The following FBXL18 variants were observed in gnomAD, a reference collection of about 807,000 sequenced individuals.
FBXL18 encodes F-box/LRR-repeat protein 18.
In FBXL18, 36 loss-of-function variants were observed where a neutral mutation model predicts 46.0. The observed-to-expected ratio is 0.78, with a 90% CI of 0.60 to 1.03. The LOEUF is 1.03. Among genes scored for constraint, FBXL18 ranks in the 50% least tolerant of loss-of-function variants. FBXL18 has a pLI of 0.00. For synonymous variants in FBXL18, 557 were observed against 465.3 expected (o/e 1.20, Z -2.54); for missense variants, 977 against 1,004.1 (o/e 0.97, Z 0.36).
intron 4 of FBXL18, among the ~76,000 whole-genome samples, chr7:5,462,989 TATATATA>T (rs1222804567): frequency 0.011 from 503 of 46,842 alleles, 21 homozygotes; most frequent in African/African-American, 0.016. Context: ...TATATATATA[TATATATA>T]ATATATATAC....
At chr7:5,469,513 G>A (rs543458154) in intron 4 of FBXL18, among the ~76,000 whole-genome samples, 11 of 152,096 alleles carry the variant, frequency 7.2e-5, no homozygotes, top group Admixed American at 6.6e-4. Context: ...ACTTGTGCAC[G>A]TGAGTGTGAA....
At chr7:5,459,532 A>C (rs1783214837) in intron 4 of FBXL18, among the ~76,000 whole-genome samples, 1 of 151,956 alleles carries the variant, frequency 6.6e-6, no homozygotes, top group African/African-American at 2.4e-5. Context: ...CGAGGTCAGG[A>C]GATCAAGACC....
intron 1 of FBXL18, among the ~76,000 whole-genome samples, chr7:5,510,507 C>A (rs2966434): frequency 0.33 from 50,294 of 151,304 alleles, 8,749 homozygotes; most frequent in Admixed American, 0.39. Flanking sequence ...CACGGTGAAA[C>A]CCCGTTTCCA....
At chr7:5,458,092 C>A (rs1369858221) in intron 4 of FBXL18, among the ~76,000 whole-genome samples, 1 of 152,034 alleles carries the variant, frequency 6.6e-6, no homozygotes, top group Non-Finnish European at 1.5e-5. Context: ...AAAAACAACC[C>A]CAAAACCTTA....
chr7:5,468,411 C>CAGGGCCTAAGTTCACCTCTAAT (rs1783378955), intron 4 of FBXL18, among the ~76,000 whole-genome samples: 1 of 152,168 alleles, frequency 6.6e-6, no homozygotes, highest in Admixed American at 6.6e-5. Context: ...GCCACCACGC[C>CAGGGCCTAAGTTCACCTCTAAT]CAGCCACCTC....
Position 5,481,612 on chromosome 7 carries a change from C to A in FBXL18, c.*163G>T. 4.1e-6 allele frequency: 3 copies of A among 723,862 alleles called. No individual in the cohort carries two copies. The highest frequency in any genetic ancestry group is 7.1e-6 in the Non-Finnish European group (3 of 425,184). The allele number at this position is 723,862 out of a possible 1,614,324, so 44.8% of individuals were successfully genotyped here. The stretch of plus-strand genomic sequence containing the variant: ...CTAAACTTCACAGAGCAACAGTCCC[C>A]ATGAGAGAGCCGTGGAGACGCCGGG... On this transcript the variant is annotated 3_prime_UTR_variant, in exon 5 of 5. Transcript: ENST00000382368.
At chr7:5,497,151 G>A (rs1349974612) in intron 3 of FBXL18, among the ~76,000 whole-genome samples, 1 of 151,882 alleles carries the variant, frequency 6.6e-6, no homozygotes. Flanking sequence ...GCAGTGAGCT[G>A]TGATCATGCC....
chr7:5,493,388 C>T (rs944970701), intron 3 of FBXL18, among the ~76,000 whole-genome samples: 1 of 152,134 alleles, frequency 6.6e-6, no homozygotes, highest in East Asian at 2.0e-4. Context: ...TGCAAGCTCC[C>T]GGGTTCACGC....
chr7:5,490,082 A>C (rs1256708756), intron 4 of FBXL18: 1 of 1,360,992 alleles, frequency 7.3e-7, no homozygotes, highest in Non-Finnish European at 9.8e-7. Flanking sequence ...GGCCGACCGC[A>C]AGGACAACAG....
chr7:5,497,193 C>T (rs1490695355), intron 3 of FBXL18, among the ~76,000 whole-genome samples: 1 of 151,722 alleles, frequency 6.6e-6, no homozygotes, highest in Non-Finnish European at 1.5e-5. Context: ...CAGAATGAGA[C>T]CATTTTTAAA....
At chr7:5,468,223 T>A (rs976174551) in intron 4 of FBXL18, among the ~76,000 whole-genome samples, 2 of 152,102 alleles carry the variant, frequency 1.3e-5, no homozygotes, top group African/African-American at 4.8e-5. Flanking sequence ...GACCTCGTGA[T>A]CCGCCCGCCT....
In FBXL18 at chr7:5,478,022, C is replaced by G. The variant is rs540417989; in HGVS notation, c.*3753G>C. On this transcript the variant is annotated 3_prime_UTR_variant, in exon 5 of 5. Coordinates refer to ENST00000382368, the MANE Select transcript of FBXL18 (RefSeq NM_024963.6). ...CCCCTGGGTCCAACGGCCTGTGGCT[C>G]TGGGTCCGGACCCAGGGTGTGGTTG... 14 of 152,528 alleles carry G rather than the reference C, an allele frequency of 9.2e-5. No homozygotes were observed. The highest frequency in any genetic ancestry group is 5.2e-4 in the Admixed American group (8 of 15,294). 9.4% of individuals were successfully genotyped at this position (152,528 alleles called of 1,614,324 possible).
intron 1 of FBXL18, among the ~76,000 whole-genome samples, chr7:5,508,905 G>A (rs192240787): frequency 4.6e-5 from 7 of 152,230 alleles, no homozygotes; most frequent in African/African-American, 1.7e-4. Context: ...CCAGCACTGG[G>A]CCAGACGCTG....
intron 3 of FBXL18, among the ~76,000 whole-genome samples, chr7:5,494,797 G>A (rs1340407311): frequency 1.3e-5 from 2 of 152,248 alleles, no homozygotes. Flanking sequence ...GTCACTAGGT[G>A]GCGATGCGGC....
rs1783569789 is a variant in FBXL18, at chr7:5,478,620, C to T, written c.*3155G>A. The stretch of plus-strand genomic sequence containing the variant: ...CTCCCTTTTAAAGAACAAAGGGATA[C>T]ATACCCTTTCCCCTCCTCCCTCCCT... On this transcript the variant is annotated 3_prime_UTR_variant, in exon 5 of 5. Transcript: ENST00000382368. The T allele has an allele frequency of 6.6e-6, 1 of 152,388 alleles. No individual in the cohort carries two copies. The highest frequency in any genetic ancestry group is 1.5e-5 in the Non-Finnish European group (1 of 68,132). 9.4% of individuals were successfully genotyped at this position (152,388 alleles called of 1,614,324 possible).
intron 2 of FBXL18, among the ~76,000 whole-genome samples, chr7:5,503,428 C>A (rs180762132): frequency 1.4e-4 from 22 of 152,282 alleles, no homozygotes; most frequent in Middle Eastern, 6.8e-3. Context: ...CAATAGCTTA[C>A]TGCAGCCTTG....
chr7:5,480,527 A>AATATATATATATATATATATATAT lies in FBXL18; in HGVS notation c.*1247_*1248insATATATATATATATATATATATAT, dbSNP rs770993214. The AATATATATATATATATATATATAT allele has an allele frequency of 4.4e-5, 3 of 68,100 alleles. No homozygotes were observed. The highest frequency in any genetic ancestry group is 1.9e-4 in the African/African-American group (3 of 15,476). The allele number at this position is 68,100 out of a possible 1,614,324, so 4.2% of individuals were successfully genotyped here. A position where few individuals can be genotyped will look rare whatever the true frequency, so the allele number is the denominator to read the frequency against. On this transcript the variant is annotated 3_prime_UTR_variant, in exon 5 of 5. Coordinates refer to ENST00000382368, the MANE Select transcript of FBXL18 (RefSeq NM_024963.6). ...CAAGTGATCCTCCCAAAGTGTGTTG[A>AATATATATATATATATATATATAT]ATATATATATATATATATATATTTT...
At position 5,480,546 on chromosome 7, in the gene FBXL18, A is replaced by ATATATATATATATT. The variant is rs1783615870; in HGVS notation, c.*1228_*1229insAATATATATATATA. ...GTGTTGAATATATATATATATATATATATTTTTTTTTTTTTTTTTTTTTTT... is the reference window on the plus strand; with the variant it reads ...GTGTTGAATATATATATATATATATATATATATATATATTTATTTTTTTTTTTTTTTTTTTTTTT... On this transcript the variant is annotated 3_prime_UTR_variant, in exon 5 of 5. Transcript: ENST00000382368. The ATATATATATATATT allele has an allele frequency of 1.8e-5, 1 of 55,414 alleles. No homozygotes were observed. The highest frequency in any genetic ancestry group is 7.5e-5 in the African/African-American group (1 of 13,282). The allele number at this position is 55,414 out of a possible 1,614,324, so 3.4% of individuals were successfully genotyped here. A position where few individuals can be genotyped will look rare whatever the true frequency, so the allele number is the denominator to read the frequency against.
chr7:5,500,583 G>A lies in FBXL18; in HGVS notation c.1686C>T (p.Ser562=), dbSNP rs566784860. Residue 562 remains serine (S), a synonymous_variant, in exon 3 of 5, where the codon TCC becomes TCT. Transcript: ENST00000382368. ...TCATGCCCAGGTTGGCCAGCGACAG[G>A]GACCGCAACTGCTGGCACTGCAGGC... The part of the protein sequence containing the change: ...NIGLQCQQLR[S]LSLANLGMMG... 5.0e-6 allele frequency: 8 copies of A among 1,613,554 alleles called. No individual in the cohort carries two copies. In the African/African-American group the frequency reaches 6.7e-5, roughly 13 times the overall value.
Sources: allele counts gnomAD v4.1 joint callset (sites outside exome capture counted in the v4.1 genomes callset), GRCh38; gene constraint gnomAD v4.1.1; transcripts MANE v1.5; gene names NCBI Gene and HGNC (gene_info 2026-07-23, HGNC 2026-07-21).